The following TANGO6 variants were observed in gnomAD, a reference collection of about 807,000 sequenced individuals.
The protein encoded by TANGO6 is transport and golgi organization 6 homolog.
Under a neutral mutation model 114.2 loss-of-function variants are expected in TANGO6, and 90 were observed. That is an observed-to-expected ratio of 0.79 (90% CI 0.66 to 0.94). The LOEUF (loss-of-function observed/expected upper bound fraction) is 0.94. Ranked by LOEUF, TANGO6 falls within the 40% of genes least tolerant of loss-of-function variation. The probability of loss-of-function intolerance (pLI) is 0.00; values close to 1 mark genes in which losing one functional copy is unlikely to be tolerated. For missense variants in TANGO6, 1,274 were observed against 1,315.3 expected, an observed-to-expected ratio of 0.97 and a Z score of 0.49; for synonymous variants, 477 against 509.8, an observed-to-expected ratio of 0.94 and a Z score of 0.87.
chr16:68,866,371 C>T (rs577336767), intron 3 of TANGO6, among the ~76,000 whole-genome samples: 1 of 151,962 alleles, frequency 6.6e-6, no homozygotes, highest in South Asian at 2.1e-4. Context: ...CGCCTGTAAT[C>T]CCAGCACTTT....
At position 69,002,628 on chromosome 16, in the gene TANGO6, A is replaced by G. The variant is rs1285919729; in HGVS notation, c.2843-20200A>G. 2.0e-5 allele frequency among the ~76,000 whole-genome samples: 3 copies of G among 152,260 alleles called. No homozygotes were observed. The East Asian group carries it at 5.8e-4, about 29-fold the overall frequency. On this transcript the variant is annotated intron_variant, in intron 15 of 17. Coordinates refer to ENST00000261778, the MANE Select transcript of TANGO6 (RefSeq NM_024562.2). The stretch of plus-strand genomic sequence containing the variant: ...TGGGGCCTCCCCAGCCTGCAGAGCC[A>G]TGAGTCAATTAAACCTCTTTTCTTT...
intron 14 of TANGO6, among the ~76,000 whole-genome samples, chr16:68,972,251 G>A (rs1963713934): frequency 6.6e-6 from 1 of 152,028 alleles, no homozygotes; most frequent in South Asian, 2.1e-4. Flanking sequence ...GGGGTGGGGA[G>A]GGCAGAAAGG....
At chr16:68,896,123 C>T (rs989382732) in intron 7 of TANGO6, among the ~76,000 whole-genome samples, 1 of 151,962 alleles carries the variant, frequency 6.6e-6, no homozygotes, top group African/African-American at 2.4e-5. Context: ...TCTCATGCCT[C>T]AGCCTCTTGA....
intron 15 of TANGO6, among the ~76,000 whole-genome samples, chr16:69,009,518 G>T (rs141898215): frequency 5.9e-5 from 9 of 152,118 alleles, no homozygotes; most frequent in Non-Finnish European, 1.2e-4. Flanking sequence ...TTTCACTGTT[G>T]TGGATCCCTT....
At chr16:68,850,223 C>T (rs1260494519) in intron 1 of TANGO6, among the ~76,000 whole-genome samples, 1 of 152,114 alleles carries the variant, frequency 6.6e-6, no homozygotes, top group African/African-American at 2.4e-5. Context: ...CCACCCACGT[C>T]AGCCTCCCAA....
At chr16:69,055,789 C>T (rs1334185298) in intron 17 of TANGO6, among the ~76,000 whole-genome samples, 3 of 152,218 alleles carry the variant, frequency 2.0e-5, no homozygotes, top group Non-Finnish European at 4.4e-5. Flanking sequence ...GTAATCCCAG[C>T]ACTTTGAGAG....
chr16:68,923,975 T>C (rs1254972814), intron 12 of TANGO6, among the ~76,000 whole-genome samples: 2 of 152,190 alleles, frequency 1.3e-5, no homozygotes, highest in South Asian at 4.1e-4. Context: ...AGGAGAGCCA[T>C]GCTTCTTGTT....
At chr16:68,859,226 G>A (rs114460982) in intron 1 of TANGO6, among the ~76,000 whole-genome samples, 2,230 of 152,094 alleles carry the variant, frequency 0.015, 49 homozygotes, top group African/African-American at 0.051. Flanking sequence ...GCTAGAGTGC[G>A]GTGGCGCAGT....
At chr16:69,030,293 A>C (rs911409565) in intron 16 of TANGO6, among the ~76,000 whole-genome samples, 3 of 151,924 alleles carry the variant, frequency 2.0e-5, no homozygotes, top group Non-Finnish European at 2.9e-5. Context: ...GATTACAATT[A>C]CAGTCCACTA....
intron 7 of TANGO6, among the ~76,000 whole-genome samples, chr16:68,887,123 T>C: frequency 6.6e-6 from 1 of 152,242 alleles, no homozygotes; most frequent in East Asian, 1.9e-4. Flanking sequence ...ATACTTTTGA[T>C]CCTTCTCTCC....
chr16:68,913,066 T>G (rs1597016947), intron 11 of TANGO6, among the ~76,000 whole-genome samples: 2 of 133,370 alleles, frequency 1.5e-5, no homozygotes, highest in African/African-American at 2.8e-5. Context: ...AGTGACAGAG[T>G]GAGACTCAAA....
intron 14 of TANGO6, among the ~76,000 whole-genome samples, chr16:68,966,127 G>A (rs1239727942): frequency 1.3e-5 from 2 of 152,192 alleles, no homozygotes; most frequent in African/African-American, 4.8e-5. Context: ...CAGCTATACT[G>A]AAGTGAGAGG....
chr16:68,882,358 G>T (rs553984042), intron 7 of TANGO6, among the ~76,000 whole-genome samples: 3 of 151,958 alleles, frequency 2.0e-5, no homozygotes, highest in Non-Finnish European at 4.4e-5. Flanking sequence ...TTAGCCGGGC[G>T]TGGTGGCAGG....
intron 15 of TANGO6, among the ~76,000 whole-genome samples, chr16:69,014,018 G>A (rs1050984462): frequency 3.3e-5 from 5 of 152,106 alleles, no homozygotes; most frequent in Non-Finnish European, 7.3e-5. Context: ...ATAGACATAG[G>A]ATTGACATTG....
At chr16:69,043,469 C>G (rs1470284031) in intron 17 of TANGO6, among the ~76,000 whole-genome samples, 1 of 152,174 alleles carries the variant, frequency 6.6e-6, no homozygotes, top group Non-Finnish European at 1.5e-5. Context: ...ATTTTTGTCA[C>G]TTTCAAAACC....
intron 4 of TANGO6, 87 bp downstream of exon 4, chr16:68,867,307 C>A: frequency 6.5e-7 from 1 of 1,541,290 alleles, no homozygotes; most frequent in Non-Finnish European, 8.8e-7. Context: ...TAGTATTTAC[C>A]TTTAAAACCT....
intron 7 of TANGO6, among the ~76,000 whole-genome samples, chr16:68,884,406 C>CTT (rs1047025639): frequency 5.3e-5 from 8 of 152,068 alleles, no homozygotes; most frequent in Admixed American, 2.0e-4. Context: ...GGATAGACTT[C>CTT]TGAAAAGAGG....
In TANGO6 at chr16:69,083,720, G is replaced by C. The variant is rs1275425891; in HGVS notation, c.*59G>C. ...GGCCAGGCACCCAGAGCCGTGCCCA[G>C]GTCTTCCAGCAGGTGGCCCTGCTGC... On this transcript the variant is annotated 3_prime_UTR_variant, in exon 18 of 18. Transcript: ENST00000261778. 2.6e-6 allele frequency: 4 copies of C among 1,509,566 alleles called. No homozygotes were observed. The highest frequency in any genetic ancestry group is 2.7e-6 in the Non-Finnish European group (3 of 1,125,184). 93.5% of individuals were successfully genotyped at this position (1,509,566 alleles called of 1,614,324 possible). A position where few individuals can be genotyped will look rare whatever the true frequency, so the allele number is the denominator to read the frequency against.
At chr16:69,047,597 C>T (rs1959883606) in intron 17 of TANGO6, among the ~76,000 whole-genome samples, 1 of 151,886 alleles carries the variant, frequency 6.6e-6, no homozygotes, top group Non-Finnish European at 1.5e-5. Flanking sequence ...CTCACAGCAA[C>T]GTTATAAAAC....
Sources: allele counts gnomAD v4.1 joint callset (sites outside exome capture counted in the v4.1 genomes callset), GRCh38; gene constraint gnomAD v4.1.1; transcripts MANE v1.5; gene names NCBI Gene and HGNC (gene_info 2026-07-23, HGNC 2026-07-21).